Variants in SFI1 observed in about 807,000 individuals in gnomAD.
The protein encoded by SFI1 is SFI1 centrin binding protein, also known as protein SFI1 homolog.
Under a neutral mutation model 207.5 loss-of-function variants are expected in SFI1, and 195 were observed. The observed-to-expected ratio is 0.94, with a 90% CI of 0.84 to 1.06. The LOEUF (loss-of-function observed/expected upper bound fraction) is 1.06, where lower values mean the gene tolerates loss of function less well. Ranked by LOEUF, SFI1 falls within the 50% of genes least tolerant of loss-of-function variation. SFI1 has a pLI of 0.00. For synonymous variants in SFI1, 630 were observed against 598.9 expected (o/e 1.05, Z -0.76); for missense variants, 1,634 against 1,588.0 (o/e 1.03, Z -0.49).
At chr22:31,560,530 T>C (rs2061590800) in intron 7 of SFI1, among the ~76,000 whole-genome samples, 1 of 150,658 alleles carries the variant, frequency 6.6e-6, no homozygotes, top group Admixed American at 6.7e-5. Flanking sequence ...GCCTCCCAAG[T>C]AGCAGGGATT....
At position 31,615,203 on chromosome 22, in the gene SFI1, C is replaced by T. The variant is rs751494982; in HGVS notation, c.3224C>T (p.Thr1075Met). Reference sequence around the variant, plus strand: ...GCCCCTGGCCCGAAGCAGCCCCCGACGGCAAGCACAGGCCCGGAGCTGCTG... The same window carrying T: ...GCCCCTGGCCCGAAGCAGCCCCCGATGGCAAGCACAGGCCCGGAGCTGCTG... ...SSAPGPKQPPTASTGPELLLL... is the reference protein window; with the variant it reads ...SSAPGPKQPPMASTGPELLLL... Residue 1075 changes from threonine (T) to methionine (M), a missense_variant, in exon 29 of 33, where the codon ACG becomes ATG. By Grantham distance (81) the Thr-to-Met change is moderately conservative (BLOSUM62 -1). Transcript: ENST00000400288. The T allele has an allele frequency of 6.3e-6, 10 of 1,580,432 alleles. No homozygotes were observed. Among genetic ancestry groups the T allele is most frequent in the Middle Eastern group, 1.7e-4 (1 of 5,928 alleles).
At position 31,573,165 on chromosome 22, in the gene SFI1, G is replaced by A. The variant is rs1299976926; in HGVS notation, c.873G>A (p.Lys291=). 6.2e-7 allele frequency: 1 copy of A among 1,613,998 alleles called. No homozygotes were observed. The highest frequency in any genetic ancestry group is 8.5e-7 in the Non-Finnish European group (1 of 1,180,008). ...ACTGGCAAAAACGGAGATTTCTAAAGGCCTGGCTTGAATACCTGCAAGTCC... is the reference window on the plus strand; with the variant it reads ...ACTGGCAAAAACGGAGATTTCTAAAAGCCTGGCTTGAATACCTGCAAGTCC... ...HQHWQKRRFL[K]AWLEYLQVRR... is the part of the protein sequence containing the mutation. Residue 291 remains lysine, a synonymous_variant, in exon 9 of 33, where the codon AAG becomes AAA. Transcript: ENST00000400288.
At chr22:31,609,140 A>C (rs1159827315) in intron 22 of SFI1, among the ~76,000 whole-genome samples, 3 of 152,064 alleles carry the variant, frequency 2.0e-5, no homozygotes, top group African/African-American at 7.2e-5. Flanking sequence ...CGGGGACTAC[A>C]GGTGTGTGCC....
chr22:31,616,241 G>A (rs1010295036), intron 29 of SFI1: 4 of 152,862 alleles, frequency 2.6e-5, no homozygotes, highest in Non-Finnish European at 4.4e-5. Context: ...GTTAGGCCAT[G>A]TGGGGCCACT....
Position 31,591,707 on chromosome 22 carries a change from TCC to T in SFI1, c.1544+2132_1544+2133del, listed in dbSNP as rs2065967617. Among the ~76,000 whole-genome samples, 4 of 54,758 alleles carry T rather than the reference TCC, an allele frequency of 7.3e-5. 1 individual carries two copies. Among genetic ancestry groups the T allele is most frequent in the Non-Finnish European group, 1.3e-4 (4 of 29,856 alleles). 35.9% of individuals were successfully genotyped at this position (54,758 alleles called of 152,430 possible). On this transcript the variant is annotated intron_variant, in intron 15 of 32. Coordinates refer to ENST00000400288, the MANE Select transcript of SFI1 (RefSeq NM_001007467.3). ...TGGCTGGGCAGAGGGGCTCCTCACTTCCCAGTAGGGGTGGCCGGGCAGAGGCG... is the reference window on the plus strand; with the variant it reads ...TGGCTGGGCAGAGGGGCTCCTCACTTCAGTAGGGGTGGCCGGGCAGAGGCG...
intron 4 of SFI1, among the ~76,000 whole-genome samples, chr22:31,531,486 GC>G (rs2058518196): frequency 6.6e-6 from 1 of 152,176 alleles, no homozygotes; most frequent in Non-Finnish European, 1.5e-5. Context: ...CAGGCAGGGC[GC>G]CGTGGCTCAC....
chr22:31,496,868 CCG>C (rs1569135325), intron 1 of SFI1, among the ~76,000 whole-genome samples: 2 of 152,186 alleles, frequency 1.3e-5, no homozygotes, highest in Non-Finnish European at 2.9e-5. Context: ...CCATCCTCTC[CCG>C]CCGCGTCTTC....
chr22:31,593,465 TC>T (rs2066479334), intron 15 of SFI1, among the ~76,000 whole-genome samples: 2 of 136,006 alleles, frequency 1.5e-5, no homozygotes, highest in South Asian at 5.3e-4. Context: ...GCTCCTCACT[TC>T]CTAGATGGGA....
At chr22:31,547,376 T>C (rs774945070) in intron 5 of SFI1, among the ~76,000 whole-genome samples, 3 of 152,352 alleles carry the variant, frequency 2.0e-5, no homozygotes, top group Non-Finnish European at 4.4e-5. Flanking sequence ...AGTGGCACGA[T>C]CTTGGCTCAC....
Position 31,603,800 on chromosome 22 carries a change from C to A in SFI1, c.1862C>A (p.Ala621Asp). Residue 621 changes from alanine to aspartate, a missense_variant, in exon 18 of 33, where the codon GCC (alanine) becomes GAC (aspartate). By Grantham distance (126) the Ala-to-Asp change is moderately radical (BLOSUM62 -2). Coordinates refer to ENST00000400288, the MANE Select transcript of SFI1 (RefSeq NM_001007467.3). ...CACATGGCCCAGCTCCTGCGTTGGG[C>A]CTGGAGCCAGTGGAGGGAGGTAAGG... ...EFHMAQLLRW[A>D]WSQWRECLAL... The A allele has an allele frequency of 1.3e-6, 2 of 1,568,670 alleles. No individual in the cohort carries two copies. Among genetic ancestry groups the A allele is most frequent in the South Asian group, 2.4e-5 (2 of 83,748 alleles).
intron 2 of SFI1, among the ~76,000 whole-genome samples, chr22:31,510,474 C>T (rs1276909014): frequency 6.6e-6 from 1 of 152,098 alleles, no homozygotes; most frequent in Admixed American, 6.6e-5. Flanking sequence ...ACTCTTGTCA[C>T]CCAGACTGGA....
chr22:31,552,681 G>A (rs889726465), intron 6 of SFI1, among the ~76,000 whole-genome samples: 3 of 152,132 alleles, frequency 2.0e-5, no homozygotes, highest in Non-Finnish European at 4.4e-5. Flanking sequence ...CTTCGTTTGG[G>A]TAGATTCCCG....
chr22:31,533,177 G>A (rs77186797), intron 4 of SFI1, among the ~76,000 whole-genome samples: 3,535 of 152,270 alleles, frequency 0.023, 124 homozygotes, highest in African/African-American at 0.08. Context: ...TAACTGAAGT[G>A]ACCATTGCCA....
In SFI1 at chr22:31,578,273, G is replaced by T. The variant is rs551177139; in HGVS notation, c.1085-109G>T. ...GACAGAGGTGGACCTCAGCCCACCT[G>T]GCACGTGTGTTATCCCCGATAGCCA... On this transcript the variant is annotated intron_variant, in intron 10 of 32. Coordinates refer to ENST00000400288, the MANE Select transcript of SFI1 (RefSeq NM_001007467.3). The T allele has an allele frequency of 2.2e-5, 23 of 1,028,788 alleles. No homozygotes were observed. In the Admixed American group the frequency reaches 4.0e-4, roughly 18 times the overall value. The allele number at this position is 1,028,788 out of a possible 1,614,324, so 63.7% of individuals were successfully genotyped here.
At chr22:31,573,370 A>C (rs529604639) in intron 9 of SFI1, among the ~76,000 whole-genome samples, 156 bp downstream of exon 9, 134 of 152,168 alleles carry the variant, frequency 8.8e-4, no homozygotes, top group African/African-American at 3.2e-3. Context: ...TCCTTGAGTC[A>C]CATTTATTTC....
chr22:31,592,864 C>T (rs1216501616), intron 15 of SFI1, among the ~76,000 whole-genome samples: 1 of 139,138 alleles, frequency 7.2e-6, no homozygotes, highest in African/African-American at 2.9e-5. Context: ...GGGGCTGACC[C>T]CCCCATCTCC....
chr22:31,537,348 T>C (rs553904865), intron 4 of SFI1, among the ~76,000 whole-genome samples: 2 of 152,290 alleles, frequency 1.3e-5, no homozygotes, highest in African/African-American at 4.8e-5. Context: ...CGGCCACCTT[T>C]AGCTACAGAG....
At chr22:31,600,502 A>C (rs1384776230) in intron 15 of SFI1, among the ~76,000 whole-genome samples, 1 of 152,156 alleles carries the variant, frequency 6.6e-6, no homozygotes, top group African/African-American at 2.4e-5. Context: ...GCCCTGCAGC[A>C]GTCACTCTCT....
At chr22:31,603,158 G>A (rs1036465801) in intron 17 of SFI1, among the ~76,000 whole-genome samples, 1 of 152,188 alleles carries the variant, frequency 6.6e-6, no homozygotes, top group Non-Finnish European at 1.5e-5. Flanking sequence ...GCATGAACCC[G>A]GGAAGTGAAG....
Sources: allele counts gnomAD v4.1 joint callset (sites outside exome capture counted in the v4.1 genomes callset), GRCh38; gene constraint gnomAD v4.1.1; transcripts MANE v1.5; gene names NCBI Gene and HGNC (gene_info 2026-07-23, HGNC 2026-07-21).